HNRNPR: variants seen among roughly 807,000 people sequenced by gnomAD.
HNRNPR encodes the protein heterogeneous nuclear ribonucleoprotein R.
Under a neutral mutation model 70.3 loss-of-function variants are expected in HNRNPR, and 4 were observed. That is an observed-to-expected ratio of 0.06 (90% confidence interval 0.03 to 0.13). The LOEUF is 0.13. HNRNPR is among the 10% of genes least tolerant of loss of function. The pLI, the probability that HNRNPR is intolerant of heterozygous loss-of-function variation, is 1.00. For missense variants in HNRNPR, 423 were observed against 788.5 expected (o/e 0.54, Z 5.55); for synonymous variants, 241 against 267.6 (o/e 0.90, Z 0.97).
chr1:23,340,036 CAA>C (rs36086561), intron 2 of HNRNPR, among the ~76,000 whole-genome samples: 30 of 123,198 alleles, frequency 2.4e-4, no homozygotes, highest in South Asian at 7.7e-4. Flanking sequence ...TTTTTAAGGA[CAA>C]AAAAAAAAAA....
intron 5 of HNRNPR, among the ~76,000 whole-genome samples, chr1:23,327,492 A>C (rs1345234068): frequency 3.3e-5 from 5 of 152,052 alleles, no homozygotes; most frequent in Non-Finnish European, 5.9e-5. Context: ...GTTTGAGACC[A>C]GCCTGGCCAA....
chr1:23,335,198 G>C (rs946482485), intron 4 of HNRNPR, among the ~76,000 whole-genome samples: 1 of 152,234 alleles, frequency 6.6e-6, no homozygotes, highest in East Asian at 1.9e-4. Flanking sequence ...GATTACAGGC[G>C]TGAGCCACAG....
In HNRNPR at chr1:23,310,995, C is replaced by A. The variant is rs746885732; in HGVS notation, c.1361G>T (p.Gly454Val). ...TGGAGGGTAGCCATATCCACCTCTC[C>A]CCCCACCACGACCCCGACCTCTAAT... ...PPIRGRGRGG[G>V]RGGYGYPPDY... Residue 454 changes from glycine to valine, a missense_variant, in exon 11 of 11, where the codon GGG (glycine) becomes GTG (valine). Transcript: ENST00000302271. The surrounding 1 kb of genome is among the most constrained non-coding windows in gnomAD (Gnocchi z 6.0). 1.1e-5 allele frequency: 18 copies of A among 1,613,978 alleles called. No homozygotes were observed. In the South Asian group the frequency reaches 1.9e-4, roughly 17 times the overall value.
chr1:23,317,923 T>C (rs1645613390), intron 8 of HNRNPR, among the ~76,000 whole-genome samples: 1 of 151,714 alleles, frequency 6.6e-6, no homozygotes, highest in Non-Finnish European at 1.5e-5. Context: ...GAGGTTGCAG[T>C]GAGCCGAGAT....
rs1645304656 is a variant in HNRNPR, at chr1:23,310,849, CTCT to C, written c.1504_1506del (p.Arg502del). 6.2e-7 allele frequency: 1 copy of C among 1,614,170 alleles called. No individual in the cohort carries two copies. Among genetic ancestry groups the C allele is most frequent in the Non-Finnish European group, 8.5e-7 (1 of 1,180,040 alleles). ...GCACCTCGCCCTCCCCTTCCTCCTC[CTCT>C]TCCTCTTACTGCATAGCCATCATCA... On this transcript the variant is annotated inframe_deletion, in exon 11 of 11. Transcript: ENST00000302271. This position sits in a 1 kb window ranked among gnomAD's most constrained non-coding sequence, Gnocchi z 6.0.
chr1:23,320,127 C>G (rs1456801799), intron 7 of HNRNPR, among the ~76,000 whole-genome samples: 2 of 152,076 alleles, frequency 1.3e-5, no homozygotes, highest in Non-Finnish European at 2.9e-5. Context: ...ATCAGTGTAT[C>G]CCAGGCACAT....
Position 23,310,908 on chromosome 1 carries a change from C to A in HNRNPR, c.1448G>T (p.Arg483Leu), listed in dbSNP as rs769056626. The A allele has an allele frequency of 6.2e-7, 1 of 1,614,146 alleles. No homozygotes were observed. Among genetic ancestry groups the A allele is most frequent in the South Asian group, 1.1e-5 (1 of 91,078 alleles). ...DYYGYDYHDYRGGYEDPYYGY... is the reference protein window; with the variant it reads ...DYYGYDYHDYLGGYEDPYYGY... ...GTAGTAGGGATCTTCATAGCCTCCACGATAGTCGTGATAATCATAACCATA... is the reference window on the plus strand; with the variant it reads ...GTAGTAGGGATCTTCATAGCCTCCAAGATAGTCGTGATAATCATAACCATA... The change falls in exon 11 of 11, where the codon CGT (arginine) becomes CTT (leucine). Residue 483 changes from arginine (R) to leucine (L), a missense_variant. Arg to Leu is a moderately radical substitution (Grantham distance 102). Around this residue, in one of 7 missense-constraint regions of HNRNPR, gnomAD observed 169 missense variants for 195.6 expected, o/e 0.86. Transcript: ENST00000302271. This position sits in a 1 kb window ranked among gnomAD's most constrained non-coding sequence, Gnocchi z 6.0.
chr1:23,311,007 C>T lies in HNRNPR; in HGVS notation c.1349G>A (p.Gly450Asp). ...PRMPPPIRGR[G>D]RGGGRGGYGY... Reference sequence around the variant, plus strand: ...ATATCCACCTCTCCCCCCACCACGACCCCGACCTCTAATTGGAGGTGGCAT... The same window carrying T: ...ATATCCACCTCTCCCCCCACCACGATCCCGACCTCTAATTGGAGGTGGCAT... The change falls in exon 11 of 11, where the codon GGT becomes GAT. Residue 450 changes from glycine to aspartate, a missense_variant. Coordinates refer to ENST00000302271, the MANE Select transcript of HNRNPR (RefSeq NM_005826.5). 1 of 1,614,188 alleles carries T rather than the reference C, an allele frequency of 6.2e-7. No individual in the cohort carries two copies.
chr1:23,330,149 CA>C (rs1232354455), intron 5 of HNRNPR, among the ~76,000 whole-genome samples: 7 of 152,084 alleles, frequency 4.6e-5, no homozygotes, highest in Non-Finnish European at 1.0e-4. Flanking sequence ...CATTACTCTG[CA>C]AAACATCAGT....
In HNRNPR at chr1:23,306,031, A is replaced by G. The variant is rs1485575984; in HGVS notation, c.*4423T>C. The G allele has an allele frequency of 5.3e-5, 8 of 152,212 alleles. No homozygotes were observed. Among genetic ancestry groups the G allele is most frequent in the African/African-American group, 1.4e-4 (6 of 41,462 alleles). The allele number at this position is 152,212 out of a possible 1,614,324, so 9.4% of individuals were successfully genotyped here. On this transcript the variant is annotated 3_prime_UTR_variant, in exon 11 of 11. Transcript: ENST00000302271. ...TTTCACTAAAATTAGTGTGCAATAA[A>G]TATCTCTTTAAGATGCATTATATGT...
chr1:23,342,255 A>G (rs1295311454), intron 1 of HNRNPR, among the ~76,000 whole-genome samples: 2 of 152,212 alleles, frequency 1.3e-5, no homozygotes, highest in African/African-American at 4.8e-5. Context: ...GCTTAAAACA[A>G]CTTCTTTTCA....
In HNRNPR at chr1:23,313,795, C is replaced by G. The variant is rs1043660651; in HGVS notation, c.1018-93G>C. On this transcript the variant is annotated intron_variant, in intron 8 of 10. Coordinates refer to ENST00000302271, the MANE Select transcript of HNRNPR (RefSeq NM_005826.5). The stretch of plus-strand genomic sequence containing the variant: ...GTCTTCATAGCATAGCTTTTCTCCT[C>G]TAAAACATTAAGTGCTAAAAGTGTT... 1.1e-5 allele frequency: 15 copies of G among 1,358,026 alleles called. 1 individual carries two copies. The Middle Eastern group carries it at 8.4e-4, about 76-fold the overall frequency. The allele number at this position is 1,358,026 out of a possible 1,614,324, so 84.1% of individuals were successfully genotyped here. A position where few individuals can be genotyped will look rare whatever the true frequency, so the allele number is the denominator to read the frequency against.
intron 5 of HNRNPR, among the ~76,000 whole-genome samples, chr1:23,332,701 C>CA (rs565860178): frequency 0.36 from 31,441 of 86,808 alleles, 3,968 homozygotes; most frequent in Admixed American, 0.48. Context: ...AATTCCATCT[C>CA]AAAAAAAAAA....
rs76660554 is a variant in HNRNPR, at chr1:23,316,883, G to C, written c.1017+1600C>G. Among the ~76,000 whole-genome samples, 743 of 152,230 alleles carry C rather than the reference G, an allele frequency of 4.9e-3. 13 individuals carry two copies. Among genetic ancestry groups the C allele is most frequent in the African/African-American group, 0.017 (712 of 41,530 alleles). On this transcript the variant is annotated intron_variant, in intron 8 of 10. Transcript: ENST00000302271. ...CAAGGAATATGAGATAAAAGATACT[G>C]AGTAGCACTTCTGAGAGCCTCTCTG...
intron 5 of HNRNPR, among the ~76,000 whole-genome samples, chr1:23,326,855 G>A (rs1158010192): frequency 4.6e-5 from 7 of 152,076 alleles, no homozygotes; most frequent in Non-Finnish European, 1.0e-4. Context: ...TATTAACACT[G>A]GTGATGCAAC....
rs1645216646 is a variant in HNRNPR at position 23,307,272 on chromosome 1, A to G, written c.*3182T>C. Reference sequence around the variant, plus strand: ...TATTCAAATGGGCAGGAGGCAAATGATGTAATGAGTTTCAAGAATAATATT... The same window carrying G: ...TATTCAAATGGGCAGGAGGCAAATGGTGTAATGAGTTTCAAGAATAATATT... On this transcript the variant is annotated 3_prime_UTR_variant, in exon 11 of 11. Transcript: ENST00000302271. 1 of 152,120 alleles carries G rather than the reference A, an allele frequency of 6.6e-6. No individual in the cohort carries two copies. The highest frequency in any genetic ancestry group is 1.5e-5 in the Non-Finnish European group (1 of 67,960). The allele number at this position is 152,120 out of a possible 1,614,324, so 9.4% of individuals were successfully genotyped here. A position where few individuals can be genotyped will look rare whatever the true frequency, so the allele number is the denominator to read the frequency against.
In HNRNPR at chr1:23,311,284, T is replaced by C. The variant is rs1447005712; in HGVS notation, c.1206A>G (p.Glu402=). 2 of 1,605,902 alleles carry C rather than the reference T, an allele frequency of 1.2e-6. No homozygotes were observed. Among genetic ancestry groups the C allele is most frequent in the Non-Finnish European group, 8.5e-7 (1 of 1,172,744 alleles). Residue 402 remains glutamate (E), a synonymous_variant, in exon 10 of 11, where the codon GAA becomes GAG. Coordinates refer to ENST00000302271, the MANE Select transcript of HNRNPR (RefSeq NM_005826.5). Reference sequence around the variant, plus strand: ...GCTTGGCTAAGACTATTTCAATTTCTTCCCCTTCTATTTCTTTGCCATTCA... The same window carrying C: ...GCTTGGCTAAGACTATTTCAATTTCCTCCCCTTCTATTTCTTTGCCATTCA... ...DEMNGKEIEG[E]EIEIVLAKPP...
rs1406065184 is a variant in HNRNPR, at chr1:23,321,656, C to G, written c.683G>C (p.Ser228Thr). The G allele has an allele frequency of 1.9e-6, 3 of 1,607,504 alleles. No homozygotes were observed. Among genetic ancestry groups the G allele is most frequent in the Non-Finnish European group, 2.5e-6 (3 of 1,176,760 alleles). Reference protein sequence around the residue: ...AAQEAVKLCDSYEIRPGKHLG... With the variant: ...AAQEAVKLCDTYEIRPGKHLG... ...GTGTTTACCAGGGCGAATTTCATAG[C>G]TGTCACACTGCAATAAGAAAAGAAC... The change falls in exon 7 of 11, where the codon AGC (serine) becomes ACC (threonine). Residue 228 changes from serine to threonine, a missense_variant. Physicochemically the swap from Ser to Thr is moderately conservative, Grantham distance 58 (BLOSUM62 1). This residue lies in a region of HNRNPR where 118 missense variants were observed against 239.3 expected (regional missense o/e 0.49). Coordinates refer to ENST00000302271, the MANE Select transcript of HNRNPR (RefSeq NM_005826.5).
intron 5 of HNRNPR, among the ~76,000 whole-genome samples, chr1:23,328,192 C>T (rs971960494): frequency 6.6e-6 from 1 of 152,106 alleles, no homozygotes; most frequent in Non-Finnish European, 1.5e-5. Context: ...TAAGTTAAAC[C>T]ATGGTTAGGC....
Sources: gnomAD v4.1 joint callset for allele counts (sites outside exome capture counted in the v4.1 genomes callset) on GRCh38, gnomAD v4.1.1 for gene constraint, gnomAD v4.1.1 regional missense constraint, Gnocchi (gnomAD v3.1) non-coding constraint, MANE v1.5 for transcripts, NCBI Gene and HGNC (gene_info 2026-07-23, HGNC 2026-07-21) for gene names.